Variants in KAZN observed in about 807,000 individuals in gnomAD.
KAZN encodes the protein kazrin, periplakin interacting protein.
A neutral mutation model predicts 87.4 loss-of-function variants in KAZN; 40 were observed. The ratio of observed to expected loss-of-function variants is 0.46; its 90% confidence interval spans 0.36 to 0.60. The LOEUF (loss-of-function observed/expected upper bound fraction) is 0.60, where lower values mean the gene tolerates loss of function less well. Among genes scored for constraint, KAZN ranks in the 20% least tolerant of loss-of-function variants. The pLI, the probability that KAZN is intolerant of heterozygous loss-of-function variation, is 0.00. For missense variants in KAZN, 898 were observed against 1,073.9 expected (o/e 0.84, Z 2.29); for synonymous variants, 466 against 458.3 (o/e 1.02, Z -0.22).
chr1:15,011,386 G>A (rs985653072), intron 2 of KAZN, among the ~76,000 whole-genome samples: 5 of 152,270 alleles, frequency 3.3e-5, no homozygotes, highest in East Asian at 3.9e-4. Flanking sequence ...TCCCAGCTCC[G>A]AAGGCACAGG....
chr1:14,214,000 T>G (rs982546337), intron 2 of KAZN, among the ~76,000 whole-genome samples: 1 of 152,156 alleles, frequency 6.6e-6, no homozygotes, highest in Non-Finnish European at 1.5e-5. Context: ...CTGAGCAGAT[T>G]TGGCGTGGGC....
At chr1:14,171,857 A>G (rs533476788) in intron 1 of KAZN, among the ~76,000 whole-genome samples, 52 of 152,322 alleles carry the variant, frequency 3.4e-4, no homozygotes, top group African/African-American at 1.2e-3. Context: ...CATCTGATCC[A>G]TAAGACAGAA....
chr1:14,594,870 C>T (rs1402572784), upstream of KAZN, among the ~76,000 whole-genome samples: 1 of 152,170 alleles, frequency 6.6e-6, no homozygotes, highest in Non-Finnish European at 1.5e-5. Context: ...CCAACTGGAC[C>T]AACCAAGGCA....
chr1:14,063,069 A>G (rs144791958), intron 1 of KAZN, among the ~76,000 whole-genome samples: 109 of 152,334 alleles, frequency 7.2e-4, no homozygotes, highest in African/African-American at 2.5e-3. Flanking sequence ...TTCATTACCA[A>G]TTCCAAATTA....
At chr1:14,853,818 C>T (rs1351629391) in intron 1 of KAZN, among the ~76,000 whole-genome samples, 1 of 152,160 alleles carries the variant, frequency 6.6e-6, no homozygotes, top group African/African-American at 2.4e-5. Flanking sequence ...AGTTCTCCAT[C>T]TATTTCAAGA....
At chr1:14,937,303 CACCT>C (rs1184425113) in intron 1 of KAZN, among the ~76,000 whole-genome samples, 1 of 152,168 alleles carries the variant, frequency 6.6e-6, no homozygotes, top group East Asian at 1.9e-4. Context: ...TTTCTTAGAG[CACCT>C]ACTTGGGGCC....
chr1:14,409,372 C>T (rs760206210), intron 2 of KAZN, among the ~76,000 whole-genome samples: 1 of 152,152 alleles, frequency 6.6e-6, no homozygotes, highest in African/African-American at 2.4e-5. Context: ...ATATTAACCA[C>T]GCCATGAAAG....
rs144511601 is a variant in KAZN at position 14,324,014 on chromosome 1, C to G, written c.249+143422C>G. On this transcript the variant is annotated intron_variant, in intron 2 of 16. Coordinates refer to the KAZN transcript ENST00000636203. ...CTGGCCAACTCTTTTCTGAATTTAT[C>G]TCATACTTACAATGCCTTGCCAAAT... Among the ~76,000 whole-genome samples the G allele has an allele frequency of 2.0e-5, 3 of 152,266 alleles. No homozygotes were observed. The East Asian group carries it at 5.8e-4, about 29-fold the overall frequency.
At chr1:14,756,215 C>T (rs1322801520) in intron 1 of KAZN, among the ~76,000 whole-genome samples, 1 of 152,214 alleles carries the variant, frequency 6.6e-6, no homozygotes, top group Non-Finnish European at 1.5e-5. Context: ...GAGCGGACAT[C>T]CTGCTCTCAG....
At chr1:14,018,983 C>G (rs1557785454) in intron 1 of KAZN, among the ~76,000 whole-genome samples, 1 of 152,154 alleles carries the variant, frequency 6.6e-6, no homozygotes, top group Admixed American at 6.5e-5. Flanking sequence ...AATAAATCCC[C>G]TCTCATCTCT....
chr1:14,981,845 C>T (rs1198314947), intron 2 of KAZN, among the ~76,000 whole-genome samples: 1 of 152,210 alleles, frequency 6.6e-6, no homozygotes, highest in Admixed American at 6.5e-5. Context: ...AAAGGGGATG[C>T]AGTGCCTTTT....
intron 2 of KAZN, among the ~76,000 whole-genome samples, chr1:14,993,877 G>A (rs1461142627): frequency 2.0e-5 from 3 of 152,214 alleles, no homozygotes; most frequent in Non-Finnish European, 4.4e-5. Context: ...AGCTGGGCTT[G>A]AAGGATGAGG....
intron 1 of KAZN, among the ~76,000 whole-genome samples, chr1:14,733,488 C>A (rs555637640): frequency 1.2e-3 from 186 of 152,270 alleles, no homozygotes; most frequent in African/African-American, 4.2e-3. Context: ...GGCAGTGCAG[C>A]CTCGTGCCGT....
chr1:14,486,643 G>A (rs1255334369), intron 2 of KAZN, among the ~76,000 whole-genome samples: 1 of 152,148 alleles, frequency 6.6e-6, no homozygotes, highest in African/African-American at 2.4e-5. Context: ...AGTGAAGATG[G>A]TTGAGTCAGA....
chr1:14,921,360 C>G (rs1658505856), intron 1 of KAZN, among the ~76,000 whole-genome samples: 1 of 152,158 alleles, frequency 6.6e-6, no homozygotes, highest in Non-Finnish European at 1.5e-5. Context: ...CCCTGGTGGC[C>G]AATGGGCTAC....
chr1:14,015,664 A>G (rs1640538235), intron 1 of KAZN, among the ~76,000 whole-genome samples: 1 of 148,104 alleles, frequency 6.8e-6, no homozygotes, highest in Non-Finnish European at 1.5e-5. Flanking sequence ...TAATCCCAGC[A>G]CTTTGGGAGG....
intron 1 of KAZN, among the ~76,000 whole-genome samples, chr1:14,911,944 G>A (rs1657291782): frequency 6.6e-6 from 1 of 152,090 alleles, no homozygotes; most frequent in Non-Finnish European, 1.5e-5. Context: ...CTGAGGTCAG[G>A]AGTTTGAGAC....
chr1:14,637,496 G>A (rs1014772520), intron 1 of KAZN, among the ~76,000 whole-genome samples: 1 of 152,138 alleles, frequency 6.6e-6, no homozygotes, highest in African/African-American at 2.4e-5. Flanking sequence ...AAGGTGGCTT[G>A]ACTAAAGATC....
chr1:14,121,759 A>G (rs1019850657), intron 1 of KAZN, among the ~76,000 whole-genome samples: 6 of 152,238 alleles, frequency 3.9e-5, no homozygotes, highest in African/African-American at 1.2e-4. Flanking sequence ...ACTAACACAC[A>G]AGCTAAGGGA....
Sources: gnomAD v4.1 joint callset for allele counts (sites outside exome capture counted in the v4.1 genomes callset) on GRCh38, gnomAD v4.1.1 for gene constraint, MANE v1.5 for transcripts, NCBI Gene and HGNC (gene_info 2026-07-23, HGNC 2026-07-21) for gene names.